Variants in PCBD2 observed in about 807,000 individuals in gnomAD.
The protein encoded by PCBD2 is pterin-4 alpha-carbinolamine dehydratase 2, also known as pterin-4-alpha-carbinolamine dehydratase 2.
A neutral mutation model predicts 16.4 loss-of-function variants in PCBD2; 12 were observed. The observed-to-expected ratio is 0.73, with a 90% confidence interval of 0.47 to 1.19. The LOEUF (loss-of-function observed/expected upper bound fraction) is 1.19. Ranked by LOEUF, PCBD2 falls within the 50% of genes most tolerant of loss-of-function variation. The pLI, the probability that PCBD2 is intolerant of heterozygous loss-of-function variation, is 0.00. For missense variants in PCBD2, 138 were observed against 156.8 expected (o/e 0.88, Z 0.64); for synonymous variants, 58 against 61.8 (o/e 0.94, Z 0.29).
chr5:134,941,856 C>T (rs1407865497), intron 2 of PCBD2, among the ~76,000 whole-genome samples: 1 of 151,718 alleles, frequency 6.6e-6, no homozygotes, highest in Non-Finnish European at 1.5e-5. Context: ...TGGTGGCTCA[C>T]GCCTGTAATC....
intron 1 of PCBD2, 36 bp from the exon 2 acceptor site, chr5:134,910,299 G>A (rs745369922): frequency 1.2e-6 from 2 of 1,601,434 alleles, no homozygotes; most frequent in Non-Finnish European, 1.7e-6. Flanking sequence ...GAGTAAACTT[G>A]TACATTTTCA....
chr5:134,953,160 A>C (rs1001364749), intron 2 of PCBD2, among the ~76,000 whole-genome samples: 11 of 151,806 alleles, frequency 7.2e-5, no homozygotes, highest in African/African-American at 2.4e-4. Context: ...TATTGATTGC[A>C]CAGATGAGTT....
intron 2 of PCBD2, among the ~76,000 whole-genome samples, chr5:134,944,001 A>G (rs1751263107): frequency 6.6e-6 from 1 of 152,248 alleles, no homozygotes; most frequent in Non-Finnish European, 1.5e-5. Context: ...GAAAATTCTC[A>G]GCAACAGCAG....
chr5:134,960,612 C>T lies in PCBD2; in HGVS notation c.324C>T (p.Asp108=). 9.3e-6 allele frequency: 15 copies of T among 1,612,468 alleles called. No homozygotes were observed. The highest frequency in any genetic ancestry group is 2.7e-5 in the African/African-American group (2 of 75,000). ...NKVQITLTSH[D]CGELTKKDVK... is the part of the protein sequence containing the mutation. ...TCCAGATAACTCTCACCTCACATGA[C>T]TGTGGTGAACTGACCAAAAAAGATG... Residue 108 remains aspartate (D), a synonymous_variant, in exon 4 of 4, where the codon GAC becomes GAT. Transcript: ENST00000254908.
intron 2 of PCBD2, 27 bp from the exon 3 acceptor site, chr5:134,959,013 A>C (rs1170188099): frequency 1.3e-6 from 2 of 1,585,980 alleles, no homozygotes; most frequent in East Asian, 2.2e-5. Context: ...CAATGTCAGT[A>C]ATTACTCTTG....
At chr5:134,955,777 A>G (rs1365039952) in intron 2 of PCBD2, among the ~76,000 whole-genome samples, 1 of 152,136 alleles carries the variant, frequency 6.6e-6, no homozygotes, top group Non-Finnish European at 1.5e-5. Flanking sequence ...GGCTGTTTCT[A>G]GCTTTCCTGT....
intron 1 of PCBD2, among the ~76,000 whole-genome samples, 186 bp from the exon 2 acceptor site, chr5:134,910,149 T>C (rs935947576): frequency 8.5e-5 from 13 of 152,190 alleles, no homozygotes; most frequent in South Asian, 2.1e-4. Flanking sequence ...TGACATGCCA[T>C]GGAGGCAGCT....
chr5:134,943,076 A>G (rs1381629988), intron 2 of PCBD2, among the ~76,000 whole-genome samples: 1 of 152,194 alleles, frequency 6.6e-6, no homozygotes, highest in African/African-American at 2.4e-5. Flanking sequence ...AAGAGTTTCC[A>G]TACAGCATAA....
rs1373441841 is a variant in PCBD2 at position 134,961,460 on chromosome 5, A to AT, written c.*784dup. Among the ~76,000 whole-genome samples the AT allele has an allele frequency of 1.3e-5, 2 of 151,318 alleles. No individual in the cohort carries two copies. The highest frequency in any genetic ancestry group is 4.9e-5 in the African/African-American group (2 of 41,122). ...GCCACTGCGCCTAGCTAATTTTTGT[A>AT]TTTTTAGTAGAGATGGGGTTTCATT... is the stretch of plus-strand genomic sequence containing the variant. On this transcript the variant is annotated 3_prime_UTR_variant, in exon 4 of 4. Coordinates refer to ENST00000254908, the MANE Select transcript of PCBD2 (RefSeq NM_032151.5).
At chr5:134,909,460 A>G (rs1750738717) in intron 1 of PCBD2, among the ~76,000 whole-genome samples, 2 of 152,224 alleles carry the variant, frequency 1.3e-5, no homozygotes, top group South Asian at 4.1e-4. Flanking sequence ...ACCATCTTTC[A>G]TTCCTTTGTT....
At chr5:134,954,049 C>G (rs1751388536) in intron 2 of PCBD2, among the ~76,000 whole-genome samples, 1 of 152,100 alleles carries the variant, frequency 6.6e-6, no homozygotes, top group South Asian at 2.1e-4. Context: ...CCTCAGATTC[C>G]TGGGCTCGAC....
chr5:134,924,916 GATTTT>G (rs2149533129), intron 2 of PCBD2: 2 of 390,844 alleles, frequency 5.1e-6, no homozygotes, highest in Non-Finnish European at 9.0e-6. Flanking sequence ...ATACAGTGGG[GATTTT>G]ATTTTGAGTT....
rs772633741 is a variant in PCBD2 at position 134,910,451 on chromosome 5, C to T, written c.201C>T (p.Phe67=). ...ERDAIYKEFS[F]HNFNQAFGFM... ...ATGCCATCTACAAAGAATTCTCCTTCCACAATTTTAATCAGGTAATTGTTA... is the reference window on the plus strand; with the variant it reads ...ATGCCATCTACAAAGAATTCTCCTTTCACAATTTTAATCAGGTAATTGTTA... Residue 67 remains phenylalanine (F), a synonymous_variant, in exon 2 of 4, where the codon TTC becomes TTT. Coordinates refer to ENST00000254908, the MANE Select transcript of PCBD2 (RefSeq NM_032151.5). 11 of 1,614,012 alleles carry T rather than the reference C, an allele frequency of 6.8e-6. No individual in the cohort carries two copies. The highest frequency in any genetic ancestry group is 1.3e-5 in the African/African-American group (1 of 74,928).
intron 2 of PCBD2, chr5:134,925,623 G>A (rs989582165): frequency 7.5e-6 from 3 of 397,660 alleles, no homozygotes; most frequent in Non-Finnish European, 1.3e-5. Context: ...TAGCGCCTAG[G>A]CATAGTGTGA....
intron 2 of PCBD2, among the ~76,000 whole-genome samples, chr5:134,954,841 C>T (rs920377342): frequency 6.6e-6 from 1 of 150,938 alleles, no homozygotes; most frequent in Non-Finnish European, 1.5e-5. Context: ...TCCTGGGTTC[C>T]AGTGATTCTC....
At chr5:134,924,351 G>T in intron 2 of PCBD2, 1 of 396,354 alleles carries the variant, frequency 2.5e-6, no homozygotes, top group South Asian at 1.3e-4. Flanking sequence ...GGCTATTGAG[G>T]AGTATCCTGA....
At chr5:134,911,813 C>T (rs1307661196) in intron 2 of PCBD2, among the ~76,000 whole-genome samples, 2 of 152,220 alleles carry the variant, frequency 1.3e-5, no homozygotes, top group South Asian at 2.1e-4. Context: ...TCCCTGTCCC[C>T]GCTGCCCCAC....
intron 2 of PCBD2, among the ~76,000 whole-genome samples, chr5:134,948,876 C>T (rs1002899090): frequency 2.0e-5 from 3 of 152,128 alleles, no homozygotes; most frequent in Admixed American, 2.0e-4. Flanking sequence ...GGACTCATTT[C>T]GTCTGGGGCC....
intron 1 of PCBD2, chr5:134,905,424 G>C (rs1750674287): frequency 5.1e-6 from 2 of 393,164 alleles, no homozygotes; most frequent in Non-Finnish European, 8.8e-6. Context: ...CGCAGCCTCC[G>C]CCACTTGCCC....
Sources: gnomAD v4.1 joint callset for allele counts (sites outside exome capture counted in the v4.1 genomes callset) on GRCh38, gnomAD v4.1.1 for gene constraint, MANE v1.5 for transcripts, NCBI Gene and HGNC (gene_info 2026-07-23, HGNC 2026-07-21) for gene names.